Variants in MAF observed in about 807,000 individuals in gnomAD.
The protein encoded by MAF is MAF bZIP transcription factor, also known as transcription factor Maf.
Under a neutral mutation model 22.0 loss-of-function variants are expected in MAF, and 10 were observed. The ratio of observed to expected loss-of-function variants is 0.45; its 90% CI spans 0.28 to 0.77. MAF has a LOEUF of 0.77. Among genes scored for constraint, MAF ranks in the 30% least tolerant of loss-of-function variants. MAF has a pLI of 0.12. For synonymous variants in MAF, 337 were observed against 255.8 expected (o/e 1.32, Z -3.03); for missense variants, 544 against 548.4 (o/e 0.99, Z 0.08).
the MAF span, among the ~76,000 whole-genome samples, chr16:79,456,870 TG>T: frequency 6.6e-6 from 1 of 152,154 alleles, no homozygotes; most frequent in Non-Finnish European, 1.5e-5. Flanking sequence ...CAAACACATG[TG>T]GGTCCTTTGT....
At chr16:79,328,791 C>T in the MAF span, among the ~76,000 whole-genome samples, 1 of 152,216 alleles carries the variant, frequency 6.6e-6, no homozygotes, top group African/African-American at 2.4e-5. Flanking sequence ...AACTGGTCCT[C>T]TCTCAATTGC....
chr16:79,367,870 C>G, the MAF span, among the ~76,000 whole-genome samples: 1 of 152,196 alleles, frequency 6.6e-6, no homozygotes, highest in Non-Finnish European at 1.5e-5. Context: ...TGTGCATAAC[C>G]AGATTCTTCT....
the MAF span, among the ~76,000 whole-genome samples, chr16:79,563,398 T>C: frequency 6.6e-6 from 1 of 152,170 alleles, no homozygotes; most frequent in African/African-American, 2.4e-5. Flanking sequence ...ATTGTTTCTT[T>C]CTGTTAAGTA....
At chr16:79,416,430 T>C in the MAF span, among the ~76,000 whole-genome samples, 1 of 151,886 alleles carries the variant, frequency 6.6e-6, no homozygotes, top group Non-Finnish European at 1.5e-5. Flanking sequence ...TAGGTGCTTC[T>C]GTTTCTCTTC....
At chr16:79,387,491 T>C in the MAF span, among the ~76,000 whole-genome samples, 4 of 152,134 alleles carry the variant, frequency 2.6e-5, no homozygotes, top group Non-Finnish European at 5.9e-5. Flanking sequence ...CATCTTGGTA[T>C]TACTCTAAGT....
the MAF span, among the ~76,000 whole-genome samples, chr16:79,420,804 T>G: frequency 6.6e-6 from 1 of 152,056 alleles, no homozygotes; most frequent in Non-Finnish European, 1.5e-5. Context: ...CCAAGGCGGG[T>G]GGATCACCTG....
At chr16:79,212,766 TAA>T in the MAF span, 24 of 152,060 alleles carry the variant, frequency 1.6e-4, no homozygotes, top group African/African-American at 5.6e-4. Context: ...AAAGCGCTTC[TAA>T]TAAAGCGCTT....
chr16:79,435,380 C>G, the MAF span, among the ~76,000 whole-genome samples: 25 of 152,252 alleles, frequency 1.6e-4, no homozygotes, highest in African/African-American at 5.1e-4. Flanking sequence ...TCCTGGAATT[C>G]AAGGCCAAAG....
the MAF span, among the ~76,000 whole-genome samples, chr16:79,476,977 G>A: frequency 1.6e-3 from 249 of 152,258 alleles, no homozygotes; most frequent in Non-Finnish European, 3.3e-3. Context: ...TCTTGCTCCA[G>A]AAGGTCAAGT....
chr16:79,392,457 G>A, the MAF span, among the ~76,000 whole-genome samples: 7 of 149,898 alleles, frequency 4.7e-5, no homozygotes, highest in East Asian at 6.0e-4. Flanking sequence ...GAGGAGAAGG[G>A]AAGGGAGTGA....
chr16:79,250,653 G>A, the MAF span, among the ~76,000 whole-genome samples: 2 of 152,310 alleles, frequency 1.3e-5, no homozygotes, highest in South Asian at 4.2e-4. Flanking sequence ...CACCAGGTCT[G>A]AGGCTCCTGA....
At chr16:79,596,774 C>T in intron 1 of MAF, 1 of 1,046,078 alleles carries the variant, frequency 9.6e-7, no homozygotes, top group Non-Finnish European at 1.2e-6. Flanking sequence ...TACAGAAAAT[C>T]CAGTTCTGCA....
At chr16:79,304,478 G>T in the MAF span, among the ~76,000 whole-genome samples, 1 of 151,990 alleles carries the variant, frequency 6.6e-6, no homozygotes, top group South Asian at 2.1e-4. Flanking sequence ...TTGATGGTTT[G>T]TTTTACCATT....
At chr16:79,229,274 G>C in the MAF span, 1 of 151,776 alleles carries the variant, frequency 6.6e-6, no homozygotes, top group Non-Finnish European at 1.5e-5. Flanking sequence ...AACGGGTTTT[G>C]ATGGCACCAC....
chr16:79,306,517 G>A, the MAF span, among the ~76,000 whole-genome samples: 3 of 152,172 alleles, frequency 2.0e-5, no homozygotes, highest in Non-Finnish European at 4.4e-5. Flanking sequence ...GGCTTACAAG[G>A]TATTATGAGA....
At chr16:79,509,607 C>A in the MAF span, among the ~76,000 whole-genome samples, 1 of 152,242 alleles carries the variant, frequency 6.6e-6, no homozygotes, top group African/African-American at 2.4e-5. Flanking sequence ...TGGGCCAGCA[C>A]AGGGCAGGAA....
At chr16:79,596,793 C>A in intron 1 of MAF, 1 of 1,047,336 alleles carries the variant, frequency 9.5e-7, no homozygotes, top group African/African-American at 1.7e-5. Context: ...CACCACAATA[C>A]AACTGTAAAA....
the MAF span, among the ~76,000 whole-genome samples, chr16:79,574,573 C>T: frequency 6.6e-6 from 1 of 152,082 alleles, no homozygotes; most frequent in Non-Finnish European, 1.5e-5. Context: ...TCGTGAGACC[C>T]ATGGAAGACC....
At chr16:79,242,052 T>C in the MAF span, among the ~76,000 whole-genome samples, 1 of 151,836 alleles carries the variant, frequency 6.6e-6, no homozygotes, top group Admixed American at 6.6e-5. Context: ...GCACTAAACA[T>C]GGAAAGGAAC....
Sources: allele counts gnomAD v4.1 joint callset (sites outside exome capture counted in the v4.1 genomes callset), GRCh38; gene constraint gnomAD v4.1.1; transcripts MANE v1.5; gene names NCBI Gene and HGNC (gene_info 2026-07-23, HGNC 2026-07-21).